The following DIAPH3 variants were observed in gnomAD, a reference collection of about 807,000 sequenced individuals.
DIAPH3 encodes diaphanous related formin 3, also known as protein diaphanous homolog 3.
Under a neutral mutation model 144.3 loss-of-function variants are expected in DIAPH3, and 117 were observed. The observed-to-expected ratio is 0.81, with a 90% confidence interval of 0.70 to 0.95. DIAPH3 has a LOEUF of 0.95. DIAPH3 is among the 40% of genes least tolerant of loss of function. DIAPH3 has a pLI of 0.00. For missense variants in DIAPH3, 1,421 were observed against 1,412.7 expected, an observed-to-expected ratio of 1.01 and a Z score of -0.09; for synonymous variants, 519 against 488.9, an observed-to-expected ratio of 1.06 and a Z score of -0.81.
intron 17 of DIAPH3, among the ~76,000 whole-genome samples, chr13:59,960,608 G>C (rs528287704): frequency 2.7e-4 from 41 of 151,954 alleles, no homozygotes; most frequent in Admixed American, 5.2e-4. Flanking sequence ...TAATTATATT[G>C]AGCCATCTCT....
chr13:60,008,767 A>G, intron 8 of DIAPH3, 118 bp from the exon 9 acceptor site: 1 of 731,200 alleles, frequency 1.4e-6, no homozygotes, highest in Non-Finnish European at 2.5e-6. Context: ...TTAGAAGTAG[A>G]TTACTGAGTA....
chr13:60,042,957 C>T lies in DIAPH3; in HGVS notation c.496-137G>A, dbSNP rs1323494498. On this transcript the variant is annotated intron_variant, in intron 4 of 27. Transcript: ENST00000400324. Reference sequence around the variant, plus strand: ...TTTGGGCAAGGGTGGTAAATAATTTCCTTACTTCTGCCCAAAAATCTATGA... The same window carrying T: ...TTTGGGCAAGGGTGGTAAATAATTTTCTTACTTCTGCCCAAAAATCTATGA... 3 of 977,564 alleles carry T rather than the reference C, an allele frequency of 3.1e-6. No individual in the cohort carries two copies. In the African/African-American group the frequency reaches 4.9e-5, roughly 16 times the overall value. The allele number at this position is 977,564 out of a possible 1,614,324, so 60.6% of individuals were successfully genotyped here. A position where few individuals can be genotyped will look rare whatever the true frequency, so the allele number is the denominator to read the frequency against.
intron 14 of DIAPH3, among the ~76,000 whole-genome samples, chr13:59,974,880 G>A (rs1177965083): frequency 1.3e-5 from 2 of 152,032 alleles, no homozygotes; most frequent in African/African-American, 2.4e-5. Flanking sequence ...ACATGATTTA[G>A]AGGATTTCAT....
intron 24 of DIAPH3, among the ~76,000 whole-genome samples, chr13:59,812,096 T>C (rs2040506616): frequency 6.6e-6 from 1 of 152,190 alleles, no homozygotes; most frequent in African/African-American, 2.4e-5. Context: ...GGGAGAAGGC[T>C]TTTATATCTT....
intron 3 of DIAPH3, among the ~76,000 whole-genome samples, chr13:60,093,938 A>G (rs2058031568): frequency 6.6e-6 from 1 of 152,228 alleles, no homozygotes; most frequent in African/African-American, 2.4e-5. Flanking sequence ...TTTAACAGGT[A>G]AAACACTTAC....
intron 17 of DIAPH3, among the ~76,000 whole-genome samples, chr13:59,945,389 C>A (rs1806718126): frequency 6.6e-6 from 1 of 152,164 alleles, no homozygotes; most frequent in Admixed American, 6.6e-5. Context: ...ATCTGCTCAG[C>A]ACTGTATCCC....
At chr13:59,982,462 G>A (rs982897906) in intron 13 of DIAPH3, among the ~76,000 whole-genome samples, 2 of 150,970 alleles carry the variant, frequency 1.3e-5, no homozygotes, top group African/African-American at 4.9e-5. Flanking sequence ...CTTATAGAGA[G>A]AAACAAGCAT....
intron 17 of DIAPH3, among the ~76,000 whole-genome samples, chr13:59,932,399 G>GTCA (rs905183020): frequency 1.6e-4 from 25 of 151,662 alleles, no homozygotes; most frequent in Middle Eastern, 3.2e-3. Flanking sequence ...TAGTATCATT[G>GTCA]TCATCATCAT....
chr13:60,140,960 G>A (rs147964793), intron 1 of DIAPH3, among the ~76,000 whole-genome samples: 3 of 152,110 alleles, frequency 2.0e-5, no homozygotes, highest in African/African-American at 7.2e-5. Context: ...ATCTCAAAAA[G>A]CTCCTTGGTT....
chr13:59,996,138 T>G (rs1340893985), intron 9 of DIAPH3, among the ~76,000 whole-genome samples: 1 of 152,032 alleles, frequency 6.6e-6, no homozygotes, highest in Non-Finnish European at 1.5e-5. Context: ...ATGAAAACAC[T>G]GGTGACTTGA....
chr13:59,846,579 AT>A (rs1039190262), intron 22 of DIAPH3, among the ~76,000 whole-genome samples: 60 of 152,302 alleles, frequency 3.9e-4, no homozygotes, highest in African/African-American at 1.4e-3. Flanking sequence ...ATAAAATTGT[AT>A]GGACAAGGTG....
intron 9 of DIAPH3, among the ~76,000 whole-genome samples, chr13:60,002,933 A>C (rs774492673): frequency 6.6e-6 from 1 of 152,212 alleles, no homozygotes; most frequent in Admixed American, 6.5e-5. Flanking sequence ...AGGAAAAGAA[A>C]AAGAGGAGAG....
At chr13:60,113,469 A>G (rs1041091179) in intron 2 of DIAPH3, among the ~76,000 whole-genome samples, 7 of 152,214 alleles carry the variant, frequency 4.6e-5, no homozygotes, top group Admixed American at 2.6e-4. Flanking sequence ...TACTATGAAG[A>G]TAATGTCTAG....
intron 5 of DIAPH3, among the ~76,000 whole-genome samples, chr13:60,021,982 G>A (rs1403645761): frequency 6.6e-6 from 1 of 152,064 alleles, no homozygotes; most frequent in East Asian, 1.9e-4. Context: ...AGTCCTATGG[G>A]TAATTCATTA....
chr13:59,910,796 C>T (rs1230146580), intron 20 of DIAPH3, among the ~76,000 whole-genome samples: 3 of 146,656 alleles, frequency 2.0e-5, no homozygotes, highest in Non-Finnish European at 3.0e-5. Context: ...CAAGGAAAAT[C>T]ATGCTTTTTC....
chr13:60,103,050 C>T (rs1038118877), intron 3 of DIAPH3, among the ~76,000 whole-genome samples: 5 of 152,004 alleles, frequency 3.3e-5, no homozygotes, highest in African/African-American at 1.2e-4. Flanking sequence ...CACACACCAG[C>T]AAATTGCCAG....
chr13:59,833,377 T>C, intron 23 of DIAPH3, 106 bp from the exon 24 acceptor site: 2 of 830,958 alleles, frequency 2.4e-6, no homozygotes, highest in Non-Finnish European at 3.6e-6. Context: ...TTACTATATT[T>C]CCAAAATTCT....
At chr13:59,743,046 G>A (rs1400912854) in intron 27 of DIAPH3, among the ~76,000 whole-genome samples, 1 of 152,170 alleles carries the variant, frequency 6.6e-6, no homozygotes, top group Non-Finnish European at 1.5e-5. Flanking sequence ...AGTGGAATCT[G>A]GTGATGGAGT....
At chr13:59,880,053 T>C (rs1263879347) in intron 20 of DIAPH3, among the ~76,000 whole-genome samples, 3 of 151,944 alleles carry the variant, frequency 2.0e-5, no homozygotes, top group African/African-American at 7.3e-5. Flanking sequence ...AGAATCAGAG[T>C]TAGGAAACAT....
Sources: allele counts gnomAD v4.1 joint callset (sites outside exome capture counted in the v4.1 genomes callset), GRCh38; gene constraint gnomAD v4.1.1; transcripts MANE v1.5; gene names NCBI Gene and HGNC (gene_info 2026-07-23, HGNC 2026-07-21).